VANGL2: variants seen among roughly 807,000 people sequenced by gnomAD.
The protein encoded by VANGL2 is vang-like protein 2.
A neutral mutation model predicts 50.2 loss-of-function variants in VANGL2; 14 were observed. The ratio of observed to expected loss-of-function variants is 0.28; its 90% CI spans 0.18 to 0.44. The LOEUF (loss-of-function observed/expected upper bound fraction) is 0.44, where lower values mean the gene tolerates loss of function less well. Ranked by LOEUF, VANGL2 falls within the 20% of genes least tolerant of loss-of-function variation. The pLI, the probability that VANGL2 is intolerant of heterozygous loss-of-function variation, is 1.00. For missense variants in VANGL2, 533 were observed against 701.5 expected (o/e 0.76, Z 2.71); for synonymous variants, 295 against 297.2 (o/e 0.99, Z 0.08).
chr1:160,406,755 C>A (rs368405456), intron 1 of VANGL2, among the ~76,000 whole-genome samples: 85 of 151,202 alleles, frequency 5.6e-4, no homozygotes, highest in African/African-American at 1.8e-3. Flanking sequence ...TTTTTGAAAC[C>A]GTTTCGCTCG....
chr1:160,418,853 TTTG>T (rs1651152726), intron 3 of VANGL2, 146 bp from the exon 4 acceptor site: 1 of 1,047,208 alleles, frequency 9.5e-7, no homozygotes, highest in Non-Finnish European at 1.4e-6. Context: ...TGGTTGCGTA[TTTG>T]TTGATTACCC....
Position 160,428,008 on chromosome 1 carries a change from C to T in VANGL2, c.*2630C>T, listed in dbSNP as rs909450906. 1.3e-5 allele frequency: 2 copies of T among 152,870 alleles called. No individual in the cohort carries two copies. Among genetic ancestry groups the T allele is most frequent in the Non-Finnish European group, 2.9e-5 (2 of 68,142 alleles). 9.5% of individuals were successfully genotyped at this position (152,870 alleles called of 1,614,324 possible). ...GCCACTGTCCCCATTGGTCCTTTCT[C>T]CTAAACTGGTCTTTGTGCTCTCTTT... On this transcript the variant is annotated 3_prime_UTR_variant, in exon 8 of 8. Coordinates refer to ENST00000368061, the MANE Select transcript of VANGL2 (RefSeq NM_020335.3).
At chr1:160,409,047 G>C (rs775828403) in intron 1 of VANGL2, among the ~76,000 whole-genome samples, 4 of 152,224 alleles carry the variant, frequency 2.6e-5, no homozygotes, top group Non-Finnish European at 4.4e-5. Context: ...GAGGCTCTTT[G>C]GTTCTGGCTG....
At chr1:160,413,084 A>G (rs1048918149) in intron 1 of VANGL2, among the ~76,000 whole-genome samples, 1 of 152,164 alleles carries the variant, frequency 6.6e-6, no homozygotes, top group Admixed American at 6.5e-5. Context: ...CTGCCTAATG[A>G]CACATTTCTC....
rs1651544137 is a variant in VANGL2, at chr1:160,428,364, T to A, written c.*2986T>A. On this transcript the variant is annotated 3_prime_UTR_variant, in exon 8 of 8. Coordinates refer to ENST00000368061, the MANE Select transcript of VANGL2 (RefSeq NM_020335.3). ...CCTGGTGTGTGATTGTTGTGATTTG[T>A]TCTTCCGTGCGCAAAAGGAAGAGGG... 1 of 152,580 alleles carries A rather than the reference T, an allele frequency of 6.6e-6. No homozygotes were observed. The highest frequency in any genetic ancestry group is 6.6e-5 in the Admixed American group (1 of 15,266). 9.5% of individuals were successfully genotyped at this position (152,580 alleles called of 1,614,324 possible).
In VANGL2 at chr1:160,415,759, G is replaced by A. The variant is rs1245752582; in HGVS notation, c.-79G>A. 4 of 1,526,892 alleles carry A rather than the reference G, an allele frequency of 2.6e-6. No individual in the cohort carries two copies. The highest frequency in any genetic ancestry group is 3.6e-6 in the Non-Finnish European group (4 of 1,119,510). 94.6% of individuals were successfully genotyped at this position (1,526,892 alleles called of 1,614,324 possible). ...CTCTTGGCCTAAAGAAGCCGGTGCT[G>A]AAGGAGGTGGCTGTGGGGCCCCCCA... On this transcript the variant is annotated 5_prime_UTR_variant, in exon 2 of 8. Coordinates refer to ENST00000368061, the MANE Select transcript of VANGL2 (RefSeq NM_020335.3).
intron 6 of VANGL2, among the ~76,000 whole-genome samples, chr1:160,422,299 C>A (rs1267700775): frequency 6.6e-6 from 1 of 152,226 alleles, no homozygotes; most frequent in East Asian, 1.9e-4. Context: ...GTCCCTACCC[C>A]TTTATCTTCT....
At chr1:160,416,662 G>A (rs150811954) in intron 3 of VANGL2, among the ~76,000 whole-genome samples, 3 of 152,276 alleles carry the variant, frequency 2.0e-5, no homozygotes, top group East Asian at 3.9e-4. Flanking sequence ...AGTAGATGGA[G>A]AAAGCCCAAG....
At chr1:160,406,526 G>C (rs533378805) in intron 1 of VANGL2, among the ~76,000 whole-genome samples, 3 of 152,122 alleles carry the variant, frequency 2.0e-5, no homozygotes, top group Non-Finnish European at 4.4e-5. Flanking sequence ...TGGGGGTTGG[G>C]GTAAAGGAGT....
intron 6 of VANGL2, among the ~76,000 whole-genome samples, chr1:160,422,200 C>T (rs1001619765): frequency 5.3e-5 from 8 of 152,218 alleles, no homozygotes; most frequent in African/African-American, 1.9e-4. Flanking sequence ...TGTAGTAGAA[C>T]AAAGATCACC....
At chr1:160,402,515 T>C (rs1650509130) in intron 1 of VANGL2, among the ~76,000 whole-genome samples, 1 of 152,050 alleles carries the variant, frequency 6.6e-6, no homozygotes, top group Non-Finnish European at 1.5e-5. Flanking sequence ...TCCCTGCCCA[T>C]GGGGTTGAGA....
At chr1:160,423,466 A>T (rs913785961) in intron 6 of VANGL2, among the ~76,000 whole-genome samples, 2 of 152,142 alleles carry the variant, frequency 1.3e-5, no homozygotes, top group African/African-American at 2.4e-5. Flanking sequence ...ACTACTTCGT[A>T]TATCTTTTAG....
chr1:160,403,708 G>A (rs1484845902), intron 1 of VANGL2, among the ~76,000 whole-genome samples: 1 of 152,216 alleles, frequency 6.6e-6, no homozygotes, highest in Non-Finnish European at 1.5e-5. Flanking sequence ...CACATTGTGA[G>A]GCCAGAGAAA....
intron 1 of VANGL2, among the ~76,000 whole-genome samples, chr1:160,402,923 G>T (rs570130725): frequency 1.2e-3 from 184 of 152,226 alleles, no homozygotes; most frequent in African/African-American, 4.2e-3. Flanking sequence ...GAGGCACCCA[G>T]TTTTAAGAGC....
At chr1:160,404,111 A>C (rs1030089936) in intron 1 of VANGL2, among the ~76,000 whole-genome samples, 6 of 152,164 alleles carry the variant, frequency 3.9e-5, no homozygotes, top group Admixed American at 6.5e-5. Context: ...TAAGGGAGAG[A>C]GGTCGGAGTC....
At chr1:160,416,231 C>A in intron 3 of VANGL2, 49 bp downstream of exon 3, 1 of 1,612,864 alleles carries the variant, frequency 6.2e-7, no homozygotes, top group South Asian at 1.1e-5. Context: ...TCAGACTGCT[C>A]CTGAGGGGCT....
intron 1 of VANGL2, among the ~76,000 whole-genome samples, chr1:160,406,126 T>C (rs1242644258): frequency 2.0e-5 from 3 of 152,234 alleles, no homozygotes; most frequent in African/African-American, 7.2e-5. Context: ...ATTATTGCCA[T>C]TTTATAGATA....
intron 1 of VANGL2, among the ~76,000 whole-genome samples, chr1:160,406,764 C>T (rs1008910796): frequency 3.3e-5 from 5 of 151,032 alleles, no homozygotes; most frequent in Admixed American, 6.6e-5. Context: ...CCGTTTCGCT[C>T]GTTGACTAGG....
chr1:160,403,981 T>C (rs1055214839), intron 1 of VANGL2, among the ~76,000 whole-genome samples: 3 of 152,222 alleles, frequency 2.0e-5, no homozygotes, highest in African/African-American at 7.2e-5. Context: ...GAATTAATAA[T>C]AGGCCCTACT....
Sources: gnomAD v4.1 joint callset for allele counts (sites outside exome capture counted in the v4.1 genomes callset) on GRCh38, gnomAD v4.1.1 for gene constraint, MANE v1.5 for transcripts, NCBI Gene and HGNC (gene_info 2026-07-23, HGNC 2026-07-21) for gene names.